The following EPB41L3 variants were observed in gnomAD, a reference collection of about 807,000 sequenced individuals.
The protein encoded by EPB41L3 is band 4.1-like protein 3.
A neutral mutation model predicts 127.1 loss-of-function variants in EPB41L3; 57 were observed. That is an observed-to-expected ratio of 0.45 (90% CI 0.36 to 0.56). The LOEUF is 0.56. EPB41L3 is among the 20% of genes least tolerant of loss of function. EPB41L3 has a pLI of 0.00. For synonymous variants in EPB41L3, 572 were observed against 549.5 expected (o/e 1.04, Z -0.57); for missense variants, 1,273 against 1,372.2 (o/e 0.93, Z 1.14).
intron 3 of EPB41L3, among the ~76,000 whole-genome samples, chr18:5,450,363 A>C (rs1193738591): frequency 6.6e-6 from 1 of 152,180 alleles, no homozygotes; most frequent in Non-Finnish European, 1.5e-5. Context: ...TAATGTGTCA[A>C]TATTGGCTCA....
At chr18:5,402,070 A>G (rs1345181038) in intron 16 of EPB41L3, among the ~76,000 whole-genome samples, 1 of 151,888 alleles carries the variant, frequency 6.6e-6, no homozygotes, top group Non-Finnish European at 1.5e-5. Flanking sequence ...TTGTAGGGGA[A>G]CATCTGGAAT....
chr18:5,534,502 A>G (rs1215125763), intron 1 of EPB41L3, among the ~76,000 whole-genome samples: 1 of 152,192 alleles, frequency 6.6e-6, no homozygotes, highest in African/African-American at 2.4e-5. Context: ...TAATAAACTC[A>G]TCAGGTAATT....
upstream of EPB41L3, among the ~76,000 whole-genome samples, chr18:5,547,168 C>G (rs976127457): frequency 6.6e-6 from 1 of 152,154 alleles, no homozygotes; most frequent in Non-Finnish European, 1.5e-5. Flanking sequence ...GGTGAAGATA[C>G]AATTATGATT....
chr18:5,602,873 T>C (rs1260626342), intron 3 of EPB41L3, among the ~76,000 whole-genome samples: 3 of 152,210 alleles, frequency 2.0e-5, no homozygotes, highest in Non-Finnish European at 2.9e-5. Context: ...AGCTACAGAC[T>C]AAAATAGATT....
At chr18:5,474,942 G>T (rs2086880516) in intron 3 of EPB41L3, among the ~76,000 whole-genome samples, 2 of 152,206 alleles carry the variant, frequency 1.3e-5, no homozygotes, top group Admixed American at 6.5e-5. Context: ...GATCATTAAA[G>T]ACATTATTTT....
At chr18:5,433,798 G>C (rs990368320) in intron 7 of EPB41L3, 105 bp downstream of exon 7, 1 of 1,267,192 alleles carries the variant, frequency 7.9e-7, no homozygotes, top group Middle Eastern at 1.9e-4. Flanking sequence ...CTATGCTCAC[G>C]TCTCGCCGTT....
chr18:5,504,590 G>GA (rs903695349), intron 1 of EPB41L3, among the ~76,000 whole-genome samples: 1 of 152,088 alleles, frequency 6.6e-6, no homozygotes, highest in Admixed American at 6.6e-5. Context: ...ACACTGGTTG[G>GA]AAAAAGAGTA....
chr18:5,510,437 A>G (rs117387997), intron 1 of EPB41L3, among the ~76,000 whole-genome samples: 3,265 of 152,232 alleles, frequency 0.021, 68 homozygotes, highest in East Asian at 0.096. Flanking sequence ...CAGCTGAGAT[A>G]AAAAAACAAA....
At chr18:5,427,325 A>G (rs1362119980) in intron 9 of EPB41L3, among the ~76,000 whole-genome samples, 1 of 152,214 alleles carries the variant, frequency 6.6e-6, no homozygotes, top group Non-Finnish European at 1.5e-5. Flanking sequence ...TATACTAACC[A>G]TACCAATTAG....
At chr18:5,594,540 A>G (rs1456133785) in intron 3 of EPB41L3, among the ~76,000 whole-genome samples, 2 of 152,242 alleles carry the variant, frequency 1.3e-5, no homozygotes, top group Non-Finnish European at 2.9e-5. Context: ...GGTAATTTCA[A>G]GAAGGGTAAT....
chr18:5,406,263 C>CA (rs1458816079), intron 16 of EPB41L3, among the ~76,000 whole-genome samples: 1 of 151,746 alleles, frequency 6.6e-6, no homozygotes, highest in Non-Finnish European at 1.5e-5. Context: ...AAACAAAAAA[C>CA]AAAAAACGTA....
At chr18:5,479,409 T>A (rs754416906) in intron 2 of EPB41L3, among the ~76,000 whole-genome samples, 8 of 152,264 alleles carry the variant, frequency 5.3e-5, no homozygotes, top group Admixed American at 2.0e-4. Flanking sequence ...CCCTTACTTT[T>A]CAGGGGCTCG....
Position 5,560,940 on chromosome 18 carries a change from A to ATTAT in EPB41L3, c.-306+51396_-306+51399dup, listed in dbSNP as rs138212314. 1.5e-4 allele frequency among the ~76,000 whole-genome samples: 20 copies of ATTAT among 129,228 alleles called. 1 individual carries two copies. The highest frequency in any genetic ancestry group is 2.6e-4 in the South Asian group (1 of 3,850). 84.8% of individuals were successfully genotyped at this position (129,228 alleles called of 152,430 possible). A position where few individuals can be genotyped will look rare whatever the true frequency, so the allele number is the denominator to read the frequency against. ...TTTTCTCATATGATTCATAGTTGTA[A>ATTAT]TTATTTATTTATTTATTTATTTATT... On this transcript the variant is annotated intron_variant, in intron 3 of 21. Coordinates refer to the EPB41L3 transcript ENST00000545076.
intron 11 of EPB41L3, 173 bp from the exon 12 acceptor site, chr18:5,420,050 C>G (rs2077279746): frequency 3.5e-6 from 5 of 1,410,282 alleles, no homozygotes; most frequent in Non-Finnish European, 4.7e-6. Context: ...ACCAGGTTTG[C>G]CTTGAAAAAA....
chr18:5,436,490 G>A (rs1482387566), intron 6 of EPB41L3, among the ~76,000 whole-genome samples: 2 of 138,990 alleles, frequency 1.4e-5, no homozygotes, highest in East Asian at 4.7e-4. Context: ...CTCACTGCAA[G>A]CTCCGCCTCC....
intron 3 of EPB41L3, among the ~76,000 whole-genome samples, chr18:5,451,115 A>G (rs983643333): frequency 6.6e-6 from 1 of 152,220 alleles, no homozygotes; most frequent in African/African-American, 2.4e-5. Flanking sequence ...GAGCATGTTT[A>G]TAAAGAGGTA....
rs532493750 is a variant in EPB41L3 at position 5,407,313 on chromosome 18, A to G, written c.2158-345T>C. The G allele has an allele frequency of 4.6e-5, 18 of 392,142 alleles. No homozygotes were observed. In the South Asian group the frequency reaches 7.5e-4, roughly 16 times the overall value. 24.3% of individuals were successfully genotyped at this position (392,142 alleles called of 1,614,324 possible). A position where few individuals can be genotyped will look rare whatever the true frequency, so the allele number is the denominator to read the frequency against. Reference sequence around the variant, plus strand: ...GGAGCGAATAACAAATCAGAAGCTGAGAAGTCATCCCCACTTATTAATGGA... The same window carrying G: ...GGAGCGAATAACAAATCAGAAGCTGGGAAGTCATCCCCACTTATTAATGGA... On this transcript the variant is annotated intron_variant, in intron 15 of 22. Transcript: ENST00000341928.
rs76441434 is a variant in EPB41L3 at position 5,442,121 on chromosome 18, G to T, written c.529+1717C>A. Among the ~76,000 whole-genome samples, 364 of 152,232 alleles carry T rather than the reference G, an allele frequency of 2.4e-3. 8 individuals are homozygous for T. In the East Asian group the frequency reaches 0.057, roughly 24 times the overall value. ...TATTCCATTAATTAGATGAATAAGAGAACTTTATGCACACAAAATGTTAGG... is the reference window on the plus strand; with the variant it reads ...TATTCCATTAATTAGATGAATAAGATAACTTTATGCACACAAAATGTTAGG... On this transcript the variant is annotated intron_variant, in intron 5 of 22. Transcript: ENST00000341928.
chr18:5,588,268 G>A (rs1253032589), intron 3 of EPB41L3, among the ~76,000 whole-genome samples: 1 of 152,032 alleles, frequency 6.6e-6, no homozygotes, highest in Non-Finnish European at 1.5e-5. Context: ...CCAGTATCCT[G>A]AAGATAGAAC....
Sources: allele counts gnomAD v4.1 joint callset (sites outside exome capture counted in the v4.1 genomes callset), GRCh38; gene constraint gnomAD v4.1.1; transcripts MANE v1.5; gene names NCBI Gene and HGNC (gene_info 2026-07-23, HGNC 2026-07-21).